WWOX: variants seen among roughly 807,000 people sequenced by gnomAD.
WWOX encodes WW domain-containing oxidoreductase.
Under a neutral mutation model 46.2 loss-of-function variants are expected in WWOX, and 69 were observed. That is an observed-to-expected ratio of 1.49 (90% CI 1.23 to 1.82). The LOEUF is 1.82. WWOX is among the 40% of genes most tolerant of loss of function. The pLI is 0.00. For missense variants in WWOX, 919 were observed against 542.6 expected, an observed-to-expected ratio of 1.69 and a Z score of -6.89; for synonymous variants, 359 against 202.6, an observed-to-expected ratio of 1.77 and a Z score of -6.56.
chr16:78,310,391 A>G (rs984188812), intron 5 of WWOX, among the ~76,000 whole-genome samples: 14 of 152,248 alleles, frequency 9.2e-5, no homozygotes, highest in Admixed American at 6.5e-4. Flanking sequence ...ATGAATTAAT[A>G]TTTCACAGAA....
chr16:78,675,309 G>T (rs928356460), intron 8 of WWOX, among the ~76,000 whole-genome samples: 4 of 152,096 alleles, frequency 2.6e-5, no homozygotes, highest in Admixed American at 2.6e-4. Context: ...GACAAGAACC[G>T]TACACTGTAG....
intron 8 of WWOX, among the ~76,000 whole-genome samples, chr16:78,533,752 C>A (rs1232692786): frequency 6.6e-6 from 1 of 152,126 alleles, no homozygotes; most frequent in Admixed American, 6.5e-5. Context: ...GAAAGCCTTC[C>A]CTGGATGTTG....
chr16:79,022,300 G>T (rs1479304975), intron 8 of WWOX, among the ~76,000 whole-genome samples: 1 of 150,652 alleles, frequency 6.6e-6, no homozygotes, highest in Admixed American at 6.6e-5. Flanking sequence ...ATGCCTGTGT[G>T]GGGACAGATT....
intron 8 of WWOX, among the ~76,000 whole-genome samples, chr16:78,913,682 G>A (rs1482997442): frequency 6.7e-6 from 1 of 149,284 alleles, no homozygotes. Context: ...TCTTTTTAGT[G>A]ACTGGGTCTT....
intron 8 of WWOX, among the ~76,000 whole-genome samples, chr16:79,209,053 C>T (rs937697046): frequency 6.6e-6 from 1 of 152,164 alleles, no homozygotes; most frequent in African/African-American, 2.4e-5. Flanking sequence ...CTGTGTTCTA[C>T]AAAGCCAGAG....
chr16:78,655,709 A>T (rs2047065469), intron 8 of WWOX, among the ~76,000 whole-genome samples: 4 of 152,080 alleles, frequency 2.6e-5, no homozygotes, highest in Non-Finnish European at 5.9e-5. Flanking sequence ...ATTATTTACT[A>T]TTTCCTGGCT....
At chr16:78,576,222 T>C (rs1425448659) in intron 8 of WWOX, among the ~76,000 whole-genome samples, 1 of 152,200 alleles carries the variant, frequency 6.6e-6, no homozygotes, top group African/African-American at 2.4e-5. Flanking sequence ...ATCTTTTAAA[T>C]AGGCTTCCTT....
chr16:78,820,960 C>G (rs759272659), intron 8 of WWOX, among the ~76,000 whole-genome samples: 4 of 152,158 alleles, frequency 2.6e-5, no homozygotes, highest in Admixed American at 6.5e-5. Flanking sequence ...CTGTCTCTTA[C>G]AAGGACACCA....
At chr16:78,929,305 CAA>C (rs1007579049) in intron 8 of WWOX, among the ~76,000 whole-genome samples, 1 of 151,626 alleles carries the variant, frequency 6.6e-6, no homozygotes, top group African/African-American at 2.4e-5. Context: ...TTAAGAGCCT[CAA>C]GTGTCCAATA....
intron 8 of WWOX, among the ~76,000 whole-genome samples, chr16:78,697,717 G>T (rs750524541): frequency 6.6e-6 from 1 of 152,128 alleles, no homozygotes. Context: ...AGGTAGGCTC[G>T]GCTAAGCTAT....
intron 8 of WWOX, among the ~76,000 whole-genome samples, chr16:79,079,604 G>A (rs1237861927): frequency 2.0e-5 from 3 of 152,166 alleles, no homozygotes; most frequent in Non-Finnish European, 2.9e-5. Flanking sequence ...TTCCTTAAAT[G>A]TTCGGCTTTG....
At chr16:78,324,107 A>G (rs767241649) in intron 5 of WWOX, among the ~76,000 whole-genome samples, 8 of 152,058 alleles carry the variant, frequency 5.3e-5, no homozygotes, top group Non-Finnish European at 8.8e-5. Context: ...AGTGGCAAGG[A>G]TGGGATTTGA....
intron 8 of WWOX, chr16:78,895,598 G>T (rs1260187557): frequency 6.6e-6 from 1 of 152,224 alleles, no homozygotes; most frequent in East Asian, 1.9e-4. Context: ...GTTTGGAAAT[G>T]ATGCCATGGA....
chr16:78,239,298 G>T (rs1297175941), intron 5 of WWOX, among the ~76,000 whole-genome samples: 3 of 152,162 alleles, frequency 2.0e-5, no homozygotes, highest in African/African-American at 7.2e-5. Flanking sequence ...GATGGGGAAG[G>T]TGCTGTTCCC....
At chr16:78,935,431 A>G (rs932863192) in intron 8 of WWOX, among the ~76,000 whole-genome samples, 3 of 152,212 alleles carry the variant, frequency 2.0e-5, no homozygotes, top group Non-Finnish European at 4.4e-5. Flanking sequence ...GCCATAAAAA[A>G]AGGATGAGTT....
chr16:79,006,322 C>T (rs2047190155), intron 8 of WWOX, among the ~76,000 whole-genome samples: 1 of 152,110 alleles, frequency 6.6e-6, no homozygotes, highest in South Asian at 2.1e-4. Flanking sequence ...CACAGCCGTG[C>T]AGAGACCCGG....
chr16:78,176,122 T>C (rs2035336996), intron 5 of WWOX, among the ~76,000 whole-genome samples: 1 of 152,216 alleles, frequency 6.6e-6, no homozygotes, highest in South Asian at 2.1e-4. Context: ...AGAATCTTCC[T>C]CTGAGCGTCT....
At chr16:78,792,380 C>G (rs1168145760) in intron 8 of WWOX, among the ~76,000 whole-genome samples, 2 of 152,126 alleles carry the variant, frequency 1.3e-5, no homozygotes, top group Non-Finnish European at 2.9e-5. Context: ...CAGAAAAAAA[C>G]AGGCAGAAAC....
intron 8 of WWOX, among the ~76,000 whole-genome samples, chr16:78,970,271 C>T (rs925184342): frequency 5.3e-5 from 8 of 152,194 alleles, no homozygotes; most frequent in Non-Finnish European, 1.2e-4. Flanking sequence ...TTTATCCCTG[C>T]CCGAATCATT....
Sources: gnomAD v4.1 joint callset for allele counts (sites outside exome capture counted in the v4.1 genomes callset) on GRCh38, gnomAD v4.1.1 for gene constraint, MANE v1.5 for transcripts, NCBI Gene and HGNC (gene_info 2026-07-23, HGNC 2026-07-21) for gene names.